IMMT: variants seen among roughly 807,000 people sequenced by gnomAD.
IMMT encodes inner membrane mitochondrial protein.
A neutral mutation model predicts 92.7 loss-of-function variants in IMMT; 40 were observed. That is an observed-to-expected ratio of 0.43 (90% CI 0.34 to 0.56). The LOEUF (loss-of-function observed/expected upper bound fraction) is 0.56, where lower values mean the gene tolerates loss of function less well. IMMT is among the 20% of genes least tolerant of loss of function. The pLI is 0.03. For missense variants in IMMT, 831 were observed against 912.1 expected (o/e 0.91, Z 1.14); for synonymous variants, 322 against 336.1 (o/e 0.96, Z 0.46).
At chr2:86,188,994 T>A (rs2105625083) in intron 1 of IMMT, among the ~76,000 whole-genome samples, 1 of 152,316 alleles carries the variant, frequency 6.6e-6, no homozygotes, top group South Asian at 2.1e-4. Context: ...ATAAGGTCTG[T>A]CTCCAGAGCT....
At chr2:86,188,440 T>C (rs996256392) in intron 1 of IMMT, among the ~76,000 whole-genome samples, 38 of 152,066 alleles carry the variant, frequency 2.5e-4, no homozygotes, top group African/African-American at 8.9e-4. Context: ...TGTATATATG[T>C]GGAGACAGCA....
intron 6 of IMMT, among the ~76,000 whole-genome samples, chr2:86,168,140 T>C (rs556002784): frequency 2.6e-4 from 39 of 152,270 alleles, no homozygotes; most frequent in African/African-American, 8.9e-4. Flanking sequence ...AAATGGACAG[T>C]GTTCTTCCAT....
Position 86,151,443 on chromosome 2 carries a change from GCT to G in IMMT, c.1253_1254del (p.Glu418AlafsTer28). On this transcript the variant is annotated frameshift_variant, in exon 12 of 15. Coordinates refer to ENST00000410111, the MANE Select transcript of IMMT (RefSeq NM_006839.3). LOFTEE classifies it high-confidence loss of function. ...TTTTCGGTGGCCTTCTGTTCTGCCA[GCT>G]CTCTGTTCAGCTGATCAATACGACG... ...AHRRIDQLNR[E>X]LAEQKATEKQ... 6.2e-7 allele frequency: 1 copy of G among 1,613,972 alleles called. No homozygotes were observed. Among genetic ancestry groups the G allele is most frequent in the Non-Finnish European group, 8.5e-7 (1 of 1,179,884 alleles).
Position 86,157,024 on chromosome 2 carries a change from A to T in IMMT, c.1162+1568T>A, listed in dbSNP as rs1027138678. 4.6e-5 allele frequency among the ~76,000 whole-genome samples: 7 copies of T among 152,316 alleles called. No homozygotes were observed. In the East Asian group the frequency reaches 7.7e-4, roughly 17 times the overall value. On this transcript the variant is annotated intron_variant, in intron 10 of 14. Transcript: ENST00000410111. ...CAATTGTAACCTCAATGAGGCACAGACAACCCCTTGAGAAATTCTGATGAG... is the reference window on the plus strand; with the variant it reads ...CAATTGTAACCTCAATGAGGCACAGTCAACCCCTTGAGAAATTCTGATGAG...
At chr2:86,183,282 A>G (rs2105474842) in intron 1 of IMMT, among the ~76,000 whole-genome samples, 1 of 152,146 alleles carries the variant, frequency 6.6e-6, no homozygotes, top group Non-Finnish European at 1.5e-5. Flanking sequence ...AGACTACCCA[A>G]AGTCACATCA....
intron 1 of IMMT, among the ~76,000 whole-genome samples, chr2:86,189,359 C>T (rs574200198): frequency 2.0e-4 from 31 of 152,112 alleles, no homozygotes; most frequent in South Asian, 1.9e-3. Flanking sequence ...CTCAGCCTCC[C>T]GGGCAGCTGG....
At chr2:86,146,300 A>G in intron 13 of IMMT, 103 bp from the exon 14 acceptor site, 1 of 906,956 alleles carries the variant, frequency 1.1e-6, no homozygotes. Context: ...AGAGGGCCTT[A>G]GAGTTGTCAC....
chr2:86,144,241 A>G lies in IMMT; in HGVS notation c.*27T>C. ...CTGCTGATTTCCTTTGACATGAAATATGACTTTATGAAAATCTTCCTAAAC... is the reference window on the plus strand; with the variant it reads ...CTGCTGATTTCCTTTGACATGAAATGTGACTTTATGAAAATCTTCCTAAAC... On this transcript the variant is annotated 3_prime_UTR_variant, in exon 15 of 15. Transcript: ENST00000410111. The G allele has an allele frequency of 6.2e-7, 1 of 1,610,400 alleles. No individual in the cohort carries two copies. The highest frequency in any genetic ancestry group is 1.1e-5 in the South Asian group (1 of 90,932).
At chr2:86,152,295 G>A (rs1268360694) in intron 11 of IMMT, among the ~76,000 whole-genome samples, 1 of 151,992 alleles carries the variant, frequency 6.6e-6, no homozygotes, top group Non-Finnish European at 1.5e-5. Context: ...GCAAAAATTA[G>A]CTGGGCATGA....
chr2:86,144,329 T>C lies in IMMT; in HGVS notation c.2216A>G (p.Glu739Gly), dbSNP rs1392261215. 1 of 1,613,998 alleles carries C rather than the reference T, an allele frequency of 6.2e-7. No individual in the cohort carries two copies. The highest frequency in any genetic ancestry group is 1.7e-5 in the Admixed American group (1 of 60,022). ...RMTLETKQIVEILTAYASAVG... is the reference protein window; with the variant it reads ...RMTLETKQIVGILTAYASAVG... Reference sequence around the variant, plus strand: ...GGCGCTGGCATATGCTGTCAGGATTTCCACTATCTGTTTCGTTTCTAGGGT... The same window carrying C: ...GGCGCTGGCATATGCTGTCAGGATTCCCACTATCTGTTTCGTTTCTAGGGT... Residue 739 changes from glutamate (E) to glycine (G), a missense_variant, in exon 15 of 15, where the codon GAA becomes GGA. Physicochemically the swap from Glu to Gly is moderately conservative, Grantham distance 98 (BLOSUM62 -2). Coordinates refer to ENST00000410111, the MANE Select transcript of IMMT (RefSeq NM_006839.3).
chr2:86,194,105 G>A (rs931547045), intron 1 of IMMT, among the ~76,000 whole-genome samples: 15 of 152,228 alleles, frequency 9.9e-5, no homozygotes, highest in African/African-American at 3.6e-4. Context: ...AGCAGTGGCT[G>A]GCAAGAGGCA....
chr2:86,151,187 C>T lies in IMMT; in HGVS notation c.1401+110G>A, dbSNP rs141427859. ...CCCACCTTGGCCTCCCAAAGTGCCG[C>T]GATTACAGGCATGAACCACTGCACC... On this transcript the variant is annotated intron_variant, in intron 12 of 14. Coordinates refer to ENST00000410111, the MANE Select transcript of IMMT (RefSeq NM_006839.3). The T allele has an allele frequency of 8.9e-3, 8,327 of 932,936 alleles. 50 individuals are homozygous for T. The highest frequency in any genetic ancestry group is 0.012 in the Admixed American group (568 of 48,086). The allele number at this position is 932,936 out of a possible 1,614,324, so 57.8% of individuals were successfully genotyped here.
chr2:86,144,543 G>A lies in IMMT; in HGVS notation c.2002C>T (p.Leu668=). 2 of 1,614,042 alleles carry A rather than the reference G, an allele frequency of 1.2e-6. No individual in the cohort carries two copies. The highest frequency in any genetic ancestry group is 1.7e-5 in the Admixed American group (1 of 60,028). ...GGCTTCAGTTGCTGAGGTGGGAATA[G>A]GAGCAGGGACTGTAGGTAGGAGAGG... ...YFLSYLQSLL[L]FPPQQLKPPP... Residue 668 remains leucine (L), a synonymous_variant, in exon 15 of 15, where the codon CTA becomes TTA. Coordinates refer to ENST00000410111, the MANE Select transcript of IMMT (RefSeq NM_006839.3).
At chr2:86,156,317 C>T (rs1458093987) in intron 10 of IMMT, among the ~76,000 whole-genome samples, 1 of 152,034 alleles carries the variant, frequency 6.6e-6, no homozygotes, top group Non-Finnish European at 1.5e-5. Context: ...GGCAGCCGGG[C>T]GTGGTGTCTC....
chr2:86,159,248 C>G, intron 9 of IMMT: 1 of 405,176 alleles, frequency 2.5e-6, no homozygotes, highest in Non-Finnish European at 4.7e-6. Context: ...ACCACATCCA[C>G]TTATTTTTGT....
At chr2:86,175,540 G>GT (rs1677378895) in intron 3 of IMMT, among the ~76,000 whole-genome samples, 1 of 152,082 alleles carries the variant, frequency 6.6e-6, no homozygotes, top group African/African-American at 2.4e-5. Flanking sequence ...ATCCAGGAAT[G>GT]TAACAGTTGT....
At chr2:86,168,804 TAAA>T (rs1463991468) in intron 6 of IMMT, among the ~76,000 whole-genome samples, 1 of 151,328 alleles carries the variant, frequency 6.6e-6, no homozygotes, top group Non-Finnish European at 1.5e-5. Flanking sequence ...AAGGAGAAAA[TAAA>T]AAGAAATTGA....
intron 4 of IMMT, chr2:86,171,568 G>T (rs1024754340): frequency 3.9e-5 from 19 of 493,336 alleles, no homozygotes; most frequent in Middle Eastern, 3.2e-4. Flanking sequence ...AAAGAAAGAA[G>T]TCTTGTCTGC....
chr2:86,152,193 C>G (rs1675508056), intron 11 of IMMT, among the ~76,000 whole-genome samples: 1 of 152,112 alleles, frequency 6.6e-6, no homozygotes, highest in Non-Finnish European at 1.5e-5. Context: ...GTAATCCCAG[C>G]ACTTTGGGAG....
Sources: gnomAD v4.1 joint callset for allele counts (sites outside exome capture counted in the v4.1 genomes callset) on GRCh38, gnomAD v4.1.1 for gene constraint, MANE v1.5 for transcripts, NCBI Gene and HGNC (gene_info 2026-07-23, HGNC 2026-07-21) for gene names.